The following LRRC27 variants were observed in gnomAD, a reference collection of about 807,000 sequenced individuals.
LRRC27 encodes leucine rich repeat containing 27, also known as leucine-rich repeat-containing protein 27.
In LRRC27, 57 loss-of-function variants were observed where a neutral mutation model predicts 55.0. The ratio of observed to expected loss-of-function variants is 1.04; its 90% CI spans 0.84 to 1.29. The LOEUF (loss-of-function observed/expected upper bound fraction) is 1.29, where lower values mean the gene tolerates loss of function less well. Among genes scored for constraint, LRRC27 ranks in the 50% most tolerant of loss-of-function variants. The pLI is 0.00. For synonymous variants in LRRC27, 278 were observed against 251.9 expected (o/e 1.10, Z -0.98); for missense variants, 721 against 651.5 (o/e 1.11, Z -1.16).
In LRRC27 at chr10:132,344,764, G is replaced by A. The variant is rs375835067; in HGVS notation, c.553+114G>A. 2.4e-4 allele frequency: 282 copies of A among 1,179,052 alleles called. 6 individuals carry two copies. In the South Asian group the frequency reaches 2.8e-3, roughly 12 times the overall value. 73.0% of individuals were successfully genotyped at this position (1,179,052 alleles called of 1,614,324 possible). On this transcript the variant is annotated intron_variant, in intron 5 of 10. Coordinates refer to ENST00000368614, the MANE Select transcript of LRRC27 (RefSeq NM_030626.3). Reference sequence around the variant, plus strand: ...ACATCCTGAGAAATACAGGAGCCATGGGTCCTCTGCTGAGTTGACACAGTG... The same window carrying A: ...ACATCCTGAGAAATACAGGAGCCATAGGTCCTCTGCTGAGTTGACACAGTG...
At chr10:132,356,006 A>AGG in intron 8 of LRRC27, 120 bp downstream of exon 8, 7 of 676,212 alleles carry the variant, frequency 1.0e-5, no homozygotes, top group South Asian at 1.7e-5. Context: ...GGGTGCTCAC[A>AGG]CGCATCCCTG....
rs748882664 is a variant in LRRC27, at chr10:132,344,651, G to GT, written c.553+4dup. 85 of 1,613,484 alleles carry GT rather than the reference G, an allele frequency of 5.3e-5. 1 individual carries two copies. The South Asian group carries it at 6.8e-4, about 13-fold the overall frequency. The stretch of plus-strand genomic sequence containing the variant: ...CTCCCCAGAAATCCAACTTCTCAAG[G>GT]TTTGTAGGAGGTGATTTATGACAAA... On this transcript the variant is annotated splice_donor_variant, in intron 5 of 10. Transcript: ENST00000368614. LOFTEE classifies it high-confidence loss of function.
intron 7 of LRRC27, among the ~76,000 whole-genome samples, chr10:132,353,749 C>T (rs1477576996): frequency 6.6e-6 from 1 of 152,154 alleles, no homozygotes; most frequent in Non-Finnish European, 1.5e-5. Context: ...TCCTTTGGTG[C>T]CCATCAGTCG....
At chr10:132,358,722 A>G (rs189281170) in intron 8 of LRRC27, among the ~76,000 whole-genome samples, 816 of 11,572 alleles carry the variant, frequency 0.071, 5 homozygotes, top group African/African-American at 0.14. Context: ...GGGAGGAGCC[A>G]AGGTGGTGGA....
chr10:132,374,449 CG>C lies in LRRC27; in HGVS notation c.1417-616del, dbSNP rs540083874. The stretch of plus-strand genomic sequence containing the variant: ...TCAGTTTATCCACCTGAGGGCCCCC[CG>C]CAGTGCCCTCCTCAGCCTCACTTTG... On this transcript the variant is annotated intron_variant, in intron 10 of 10. Coordinates refer to ENST00000368614, the MANE Select transcript of LRRC27 (RefSeq NM_030626.3). This position sits in a 1 kb window ranked among gnomAD's most constrained non-coding sequence, Gnocchi z 4.4. Among the ~76,000 whole-genome samples the C allele has an allele frequency of 3.4e-3, 521 of 152,256 alleles. 2 individuals carry two copies. Among genetic ancestry groups the C allele is most frequent in the Non-Finnish European group, 5.1e-3 (345 of 68,010 alleles).
intron 3 of LRRC27, among the ~76,000 whole-genome samples, chr10:132,338,166 A>G (rs535466225): frequency 6.6e-6 from 1 of 152,158 alleles, no homozygotes; most frequent in Non-Finnish European, 1.5e-5. Context: ...AAATACAAAA[A>G]TTTGCCAGGC....
chr10:132,333,960 G>A (rs1359340364), intron 2 of LRRC27, among the ~76,000 whole-genome samples: 1 of 152,230 alleles, frequency 6.6e-6, no homozygotes, highest in Non-Finnish European at 1.5e-5. Flanking sequence ...TTAGATGAAG[G>A]TGTCTGTTCT....
intron 10 of LRRC27, chr10:132,366,242 G>A (rs1419703765): frequency 6.5e-6 from 1 of 153,758 alleles, no homozygotes; most frequent in African/African-American, 2.4e-5. Context: ...CGTCACTGCA[G>A]AGAGGGGTCT....
chr10:132,355,932 G>T (rs868866877), intron 8 of LRRC27, 46 bp downstream of exon 8: 2 of 1,342,644 alleles, frequency 1.5e-6, no homozygotes, highest in Non-Finnish European at 2.1e-6. Context: ...CAGTCCCGGG[G>T]GTGGGTGGGT....
intron 3 of LRRC27, among the ~76,000 whole-genome samples, chr10:132,341,238 T>A (rs4880366): frequency 0.27 from 35,879 of 134,194 alleles, 5,762 homozygotes; most frequent in East Asian, 0.48. Context: ...GGCATGGTGG[T>A]ACACACCGTT....
chr10:132,333,822 T>G, intron 2 of LRRC27, 88 bp downstream of exon 2: 1 of 996,834 alleles, frequency 1.0e-6, no homozygotes, highest in Non-Finnish European at 1.5e-6. Flanking sequence ...TTTGTAGGCT[T>G]CTTTCTCTTT....
rs185344154 is a variant in LRRC27 at position 132,381,156 on chromosome 10, G to A, written c.*5914G>A. Reference sequence around the variant, plus strand: ...CAGTGTGGGCAGGCACCATCCAGTCGGCTGCCAGCATGGCTGGAAAAAGCA... The same window carrying A: ...CAGTGTGGGCAGGCACCATCCAGTCAGCTGCCAGCATGGCTGGAAAAAGCA... On this transcript the variant is annotated 3_prime_UTR_variant, in exon 11 of 11. Coordinates refer to ENST00000368614, the MANE Select transcript of LRRC27 (RefSeq NM_030626.3). Among the ~76,000 whole-genome samples the A allele has an allele frequency of 1.8e-3, 278 of 152,334 alleles. 1 individual carries two copies. Among genetic ancestry groups the A allele is most frequent in the African/African-American group, 6.4e-3 (268 of 41,568 alleles).
intron 7 of LRRC27, chr10:132,352,906 A>G (rs1388169181): frequency 6.2e-7 from 1 of 1,613,822 alleles, no homozygotes; most frequent in South Asian, 1.1e-5. Context: ...TTTTCCCTAG[A>G]GTATTCCAGG....
At chr10:132,365,853 C>A (rs1226027811) in intron 10 of LRRC27, among the ~76,000 whole-genome samples, 1 of 152,204 alleles carries the variant, frequency 6.6e-6, no homozygotes, top group Non-Finnish European at 1.5e-5. Flanking sequence ...CCTGCCTTGG[C>A]CTCCCAAATT....
Position 132,374,905 on chromosome 10 carries a change from G to C in LRRC27, c.1417-161G>C, listed in dbSNP as rs775278993. 1.3e-5 allele frequency among the ~76,000 whole-genome samples: 2 copies of C among 152,190 alleles called. No homozygotes were observed. Among genetic ancestry groups the C allele is most frequent in the African/African-American group, 4.8e-5 (2 of 41,448 alleles). On this transcript the variant is annotated intron_variant, in intron 10 of 10. Coordinates refer to ENST00000368614, the MANE Select transcript of LRRC27 (RefSeq NM_030626.3). This position sits in a 1 kb window ranked among gnomAD's most constrained non-coding sequence, Gnocchi z 4.4. ...GGCTGCTGGGCCCCATTGCAGGGGG[G>C]ACCGCGCCGTGATGCGGCTTGCAGG...
intron 7 of LRRC27, chr10:132,353,065 C>G: frequency 6.5e-7 from 1 of 1,536,826 alleles, no homozygotes. Flanking sequence ...CTTCACCCCT[C>G]CCTGGGCCCC....
intron 6 of LRRC27, chr10:132,349,176 T>C: frequency 1.3e-6 from 1 of 741,154 alleles, no homozygotes; most frequent in Non-Finnish European, 2.3e-6. Flanking sequence ...TCATGCATTC[T>C]CAAGGGGCAC....
rs1284827992 is a variant in LRRC27, at chr10:132,364,580, GGGGC to G, written c.1290-843_1290-840del. ...ACACTTACACCCACGTCCACACCCT[GGGGC>G]CCCACACTCAGGCAGTCCGCGTCCA... On this transcript the variant is annotated intron_variant, in intron 9 of 10. Coordinates refer to ENST00000368614, the MANE Select transcript of LRRC27 (RefSeq NM_030626.3). 7.3e-4 allele frequency among the ~76,000 whole-genome samples: 6 copies of G among 8,268 alleles called. 1 individual carries two copies. The highest frequency in any genetic ancestry group is 1.4e-3 in the Non-Finnish European group (6 of 4,276). 5.4% of individuals were successfully genotyped at this position (8,268 alleles called of 152,430 possible). A position where few individuals can be genotyped will look rare whatever the true frequency, so the allele number is the denominator to read the frequency against.
At chr10:132,340,769 G>T (rs1406536165) in intron 3 of LRRC27, among the ~76,000 whole-genome samples, 1 of 150,630 alleles carries the variant, frequency 6.6e-6, no homozygotes, top group Non-Finnish European at 1.5e-5. Context: ...TTCGAGACCA[G>T]CCTGGCCAAC....
Sources: gnomAD v4.1 joint callset for allele counts (sites outside exome capture counted in the v4.1 genomes callset) on GRCh38, gnomAD v4.1.1 for gene constraint, Gnocchi (gnomAD v3.1) non-coding constraint, MANE v1.5 for transcripts, NCBI Gene and HGNC (gene_info 2026-07-23, HGNC 2026-07-21) for gene names.